C1QTNF7: variants seen among roughly 807,000 people sequenced by gnomAD.
The protein encoded by C1QTNF7 is complement C1q tumor necrosis factor-related protein 7.
A neutral mutation model predicts 19.6 loss-of-function variants in C1QTNF7; 15 were observed. The ratio of observed to expected loss-of-function variants is 0.76; its 90% CI spans 0.51 to 1.18. The LOEUF (loss-of-function observed/expected upper bound fraction) is 1.18. Among genes scored for constraint, C1QTNF7 ranks in the 50% most tolerant of loss-of-function variants. The pLI, the probability that C1QTNF7 is intolerant of heterozygous loss-of-function variation, is 0.00. For synonymous variants in C1QTNF7, 142 were observed against 137.5 expected (o/e 1.03, Z -0.23); for missense variants, 324 against 359.7 (o/e 0.90, Z 0.80).
chr4:15,392,774 A>G (rs1718618034), intron 1 of C1QTNF7, among the ~76,000 whole-genome samples: 1 of 152,172 alleles, frequency 6.6e-6, no homozygotes, highest in Admixed American at 6.6e-5. Context: ...TATGATATAG[A>G]AAGGGGCAAC....
chr4:15,410,890 T>G (rs1408764500), intron 1 of C1QTNF7, among the ~76,000 whole-genome samples: 1 of 152,220 alleles, frequency 6.6e-6, no homozygotes, highest in Non-Finnish European at 1.5e-5. Context: ...AGGGCACCAC[T>G]TTATTTGGCT....
chr4:15,419,235 G>T (rs958468582), intron 1 of C1QTNF7, among the ~76,000 whole-genome samples: 1 of 152,124 alleles, frequency 6.6e-6, no homozygotes, highest in Admixed American at 6.5e-5. Flanking sequence ...TTCCATTTCT[G>T]GGAATCTATC....
intron 1 of C1QTNF7, among the ~76,000 whole-genome samples, chr4:15,407,459 C>A (rs950426252): frequency 6.6e-6 from 1 of 152,154 alleles, no homozygotes; most frequent in African/African-American, 2.4e-5. Flanking sequence ...GGCTTGTTTA[C>A]CTGCACTGAT....
At chr4:15,415,182 CAGA>C (rs1719553307) in intron 1 of C1QTNF7, among the ~76,000 whole-genome samples, 1 of 152,090 alleles carries the variant, frequency 6.6e-6, no homozygotes. Context: ...TGAGAAAGCA[CAGA>C]AGGAGAGAAT....
chr4:15,438,809 G>A (rs550700294), intron 2 of C1QTNF7, among the ~76,000 whole-genome samples: 3 of 152,234 alleles, frequency 2.0e-5, no homozygotes, highest in Non-Finnish European at 2.9e-5. Context: ...TTTGAGGTTC[G>A]GGCATTACAT....
chr4:15,400,890 C>T (rs1237303984), intron 1 of C1QTNF7, among the ~76,000 whole-genome samples: 2 of 152,142 alleles, frequency 1.3e-5, no homozygotes, highest in Non-Finnish European at 2.9e-5. Flanking sequence ...CACCATTTCC[C>T]GATACCCCCA....
rs868188888 is a variant in C1QTNF7, at chr4:15,393,511, C to T, written c.14-42225C>T. Among the ~76,000 whole-genome samples, 14 of 152,196 alleles carry T rather than the reference C, an allele frequency of 9.2e-5. No individual in the cohort carries two copies. The South Asian group carries it at 1.0e-3, about 11-fold the overall frequency. On this transcript the variant is annotated intron_variant, in intron 1 of 2. Transcript: ENST00000295297. ...AGAATCATCTGGGATCACATTAAAA[C>T]GCAGACTCTCGAGCCCAACACCCAA...
intron 1 of C1QTNF7, among the ~76,000 whole-genome samples, chr4:15,434,511 C>T (rs2108937409): frequency 6.6e-6 from 1 of 152,264 alleles, no homozygotes; most frequent in East Asian, 1.9e-4. Flanking sequence ...AGGTCAAGCA[C>T]TATATAGATT....
At chr4:15,341,315 C>A (rs773798999) in intron 1 of C1QTNF7, among the ~76,000 whole-genome samples, 1 of 152,214 alleles carries the variant, frequency 6.6e-6, no homozygotes, top group South Asian at 2.1e-4. Context: ...TGAGGGCCGC[C>A]TGGGACCCTG....
intron 2 of C1QTNF7, among the ~76,000 whole-genome samples, chr4:15,438,908 T>C (rs1359486680): frequency 6.6e-6 from 1 of 152,162 alleles, no homozygotes; most frequent in Admixed American, 6.5e-5. Context: ...CATGGACGCA[T>C]GTATGTATGC....
intron 1 of C1QTNF7, among the ~76,000 whole-genome samples, chr4:15,409,124 C>A (rs979024501): frequency 1.3e-5 from 2 of 152,172 alleles, no homozygotes; most frequent in Non-Finnish European, 2.9e-5. Context: ...ACTAAAATAA[C>A]CACTCTCTAA....
chr4:15,386,870 G>A (rs530741467), intron 1 of C1QTNF7, among the ~76,000 whole-genome samples: 11 of 152,126 alleles, frequency 7.2e-5, no homozygotes, highest in African/African-American at 2.7e-4. Flanking sequence ...GGCAGGCCAC[G>A]GAAGGCCTCC....
chr4:15,392,554 C>G (rs567101619), intron 1 of C1QTNF7, among the ~76,000 whole-genome samples: 5 of 152,326 alleles, frequency 3.3e-5, no homozygotes, highest in East Asian at 1.9e-4. Flanking sequence ...TGCCTGGGCC[C>G]CAGCTCAGCC....
At chr4:15,413,453 T>C (rs756788333) in intron 1 of C1QTNF7, among the ~76,000 whole-genome samples, 1 of 152,192 alleles carries the variant, frequency 6.6e-6, no homozygotes, top group Non-Finnish European at 1.5e-5. Flanking sequence ...ATGCTAAAAA[T>C]TGGCAAACTC....
chr4:15,362,628 G>T (rs1717383581), intron 1 of C1QTNF7: 1 of 152,144 alleles, frequency 6.6e-6, no homozygotes. Context: ...CCCATTAATG[G>T]CTGGCACCTC....
At chr4:15,435,230 A>G (rs1462862591) in intron 1 of C1QTNF7, among the ~76,000 whole-genome samples, 9 of 152,216 alleles carry the variant, frequency 5.9e-5, no homozygotes, top group Admixed American at 5.9e-4. Flanking sequence ...TGTTCATGAT[A>G]CATTGTCAAG....
chr4:15,377,452 A>G (rs73799821), intron 1 of C1QTNF7, among the ~76,000 whole-genome samples: 4,813 of 152,290 alleles, frequency 0.032, 241 homozygotes, highest in African/African-American at 0.11. Context: ...GTGCAACTCA[A>G]TAGGATTCAT....
intron 1 of C1QTNF7, among the ~76,000 whole-genome samples, chr4:15,390,705 T>G (rs1043983872): frequency 2.6e-5 from 4 of 152,140 alleles, no homozygotes; most frequent in Non-Finnish European, 5.9e-5. Context: ...TAAAGCAAGC[T>G]GGGAAGAACC....
intron 1 of C1QTNF7, among the ~76,000 whole-genome samples, chr4:15,390,281 T>C (rs899308591): frequency 6.6e-6 from 1 of 152,188 alleles, no homozygotes; most frequent in Non-Finnish European, 1.5e-5. Context: ...TTCAATCCTT[T>C]CGACTGATTG....
Sources: allele counts gnomAD v4.1 joint callset (sites outside exome capture counted in the v4.1 genomes callset), GRCh38; gene constraint gnomAD v4.1.1; transcripts MANE v1.5; gene names NCBI Gene and HGNC (gene_info 2026-07-23, HGNC 2026-07-21).